Variants in EXOC5 observed in about 807,000 individuals in gnomAD.
EXOC5 encodes the protein SEC10-like 1.
In EXOC5, 17 loss-of-function variants were observed where a neutral mutation model predicts 90.8. That is an observed-to-expected ratio of 0.19 (90% CI 0.13 to 0.28). The LOEUF (loss-of-function observed/expected upper bound fraction) is 0.28. Among genes scored for constraint, EXOC5 ranks in the 10% least tolerant of loss-of-function variants. The pLI, the probability that EXOC5 is intolerant of heterozygous loss-of-function variation, is 1.00. For synonymous variants in EXOC5, 260 were observed against 270.0 expected (o/e 0.96, Z 0.36); for missense variants, 569 against 830.6 (o/e 0.69, Z 3.87).
intron 5 of EXOC5, 135 bp downstream of exon 5, chr14:57,239,460 C>T: frequency 1.6e-6 from 1 of 606,240 alleles, no homozygotes; most frequent in Non-Finnish European, 2.9e-6. Flanking sequence ...AATAAACTAG[C>T]AAGTAAATGA....
At chr14:57,228,704 G>A (rs1883386898) in intron 12 of EXOC5, among the ~76,000 whole-genome samples, 1 of 151,470 alleles carries the variant, frequency 6.6e-6, no homozygotes, top group African/African-American at 2.4e-5. Flanking sequence ...GGGGCCTGTT[G>A]GGGGGGTGGG....
intron 1 of EXOC5, among the ~76,000 whole-genome samples, chr14:57,250,841 T>A (rs1238155438): frequency 1.3e-5 from 2 of 150,984 alleles, no homozygotes; most frequent in African/African-American, 4.9e-5. Context: ...CCCTTAAGAA[T>A]ATAAAGTAGA....
chr14:57,245,870 T>C (rs866092960), intron 3 of EXOC5, among the ~76,000 whole-genome samples: 60 of 152,014 alleles, frequency 3.9e-4, no homozygotes, highest in Non-Finnish European at 4.6e-4. Flanking sequence ...CTGGCCAACA[T>C]AGCAAAATCT....
intron 1 of EXOC5, 99 bp from the exon 2 acceptor site, chr14:57,247,811 T>C (rs1046528540): frequency 1.9e-6 from 1 of 530,140 alleles, no homozygotes; most frequent in African/African-American, 2.0e-5. Flanking sequence ...AAACTTAAAA[T>C]GAAATTACTA....
In EXOC5 at chr14:57,201,568, T is replaced by TTATATATATATATATA. The variant is rs71104542; in HGVS notation, c.*7025_*7040dup. 2 of 93,404 alleles carry TTATATATATATATATA rather than the reference T, an allele frequency of 2.1e-5. No individual in the cohort carries two copies. The highest frequency in any genetic ancestry group is 2.6e-4 in the East Asian group (1 of 3,878). The allele number at this position is 93,404 out of a possible 1,614,324, so 5.8% of individuals were successfully genotyped here. ...ACATATATTTTTATATATATTAATATTATATATATATATATATATATATAT... is the reference window on the plus strand; with the variant it reads ...ACATATATTTTTATATATATTAATATTATATATATATATATATATATATATATATATATATATATAT... On this transcript the variant is annotated 3_prime_UTR_variant, in exon 18 of 18. Transcript: ENST00000621441.
Position 57,209,933 on chromosome 14 carries a change from A to G in EXOC5, c.1722+20T>C. Reference sequence around the variant, plus strand: ...TGAAAATGTTAACAAAGTATTAACAAACTGAATGATTTTACTCACATTAGT... The same window carrying G: ...TGAAAATGTTAACAAAGTATTAACAGACTGAATGATTTTACTCACATTAGT... On this transcript the variant is annotated intron_variant, in intron 16 of 17. Coordinates refer to ENST00000621441, the MANE Select transcript of EXOC5 (RefSeq NM_006544.4). The G allele has an allele frequency of 7.6e-7, 1 of 1,321,934 alleles. No individual in the cohort carries two copies. 81.9% of individuals were successfully genotyped at this position (1,321,934 alleles called of 1,614,324 possible).
intron 4 of EXOC5, 60 bp from the exon 5 acceptor site, chr14:57,239,719 T>C: frequency 9.9e-7 from 1 of 1,007,602 alleles, no homozygotes; most frequent in African/African-American, 1.6e-5. Flanking sequence ...CAAAAAATAA[T>C]TATATATCTG....
chr14:57,213,468 C>T (rs376138039), intron 15 of EXOC5, among the ~76,000 whole-genome samples: 7 of 151,680 alleles, frequency 4.6e-5, no homozygotes, highest in East Asian at 2.0e-4. Flanking sequence ...AGTGCAGTGG[C>T]GTGATCTTGG....
intron 1 of EXOC5, among the ~76,000 whole-genome samples, chr14:57,254,809 A>G (rs1405065794): frequency 6.6e-6 from 1 of 152,184 alleles, no homozygotes; most frequent in African/African-American, 2.4e-5. Flanking sequence ...GCACAAAGTG[A>G]GACGGTGGTG....
At chr14:57,265,156 A>G (rs948794844) in intron 1 of EXOC5, among the ~76,000 whole-genome samples, 5 of 148,986 alleles carry the variant, frequency 3.4e-5, no homozygotes, top group African/African-American at 9.9e-5. Context: ...TTTGCGACAC[A>G]TCTCATAGGA....
In EXOC5 at chr14:57,201,005, C is replaced by A. The variant is rs2881345; in HGVS notation, c.*7604G>T. ...AGGTGAGGAAGATGTTGCAGAGGGG[C>A]GCATGGGTGTGGGTGTATATTTAAA... On this transcript the variant is annotated 3_prime_UTR_variant, in exon 18 of 18. Transcript: ENST00000621441. 0.3 allele frequency: 45,274 copies of A among 151,876 alleles called. 12,117 individuals carry two copies. Among genetic ancestry groups the A allele is most frequent in the African/African-American group, 0.72 (29,989 of 41,366 alleles). The allele number at this position is 151,876 out of a possible 1,614,324, so 9.4% of individuals were successfully genotyped here.
chr14:57,235,244 T>C (rs1883622379), intron 7 of EXOC5, among the ~76,000 whole-genome samples: 1 of 152,166 alleles, frequency 6.6e-6, no homozygotes, highest in African/African-American at 2.4e-5. Flanking sequence ...CTCTCCCGAG[T>C]TCAAATTCTA....
At chr14:57,219,530 G>T in intron 13 of EXOC5, 88 bp from the exon 14 acceptor site, 1 of 1,039,848 alleles carries the variant, frequency 9.6e-7, no homozygotes, top group Non-Finnish European at 1.4e-6. Context: ...TTTTTAATCT[G>T]TAACATAAAA....
At chr14:57,247,987 C>A (rs1164057610) in intron 1 of EXOC5, among the ~76,000 whole-genome samples, 1 of 151,146 alleles carries the variant, frequency 6.6e-6, no homozygotes, top group Non-Finnish European at 1.5e-5. Flanking sequence ...AGTAAACAAA[C>A]AAGTAATTTG....
chr14:57,236,752 C>G (rs1883673708), intron 6 of EXOC5, among the ~76,000 whole-genome samples: 1 of 151,986 alleles, frequency 6.6e-6, no homozygotes, highest in Non-Finnish European at 1.5e-5. Flanking sequence ...ATGCAGTGGC[C>G]TACTCTAAAT....
intron 1 of EXOC5, among the ~76,000 whole-genome samples, chr14:57,265,301 T>G (rs1337332332): frequency 6.6e-6 from 1 of 152,056 alleles, no homozygotes; most frequent in African/African-American, 2.4e-5. Flanking sequence ...CCAAGAACTC[T>G]CCCGTAATGG....
intron 7 of EXOC5, 85 bp from the exon 8 acceptor site, chr14:57,234,117 G>T: frequency 9.7e-7 from 1 of 1,034,632 alleles, no homozygotes; most frequent in Non-Finnish European, 1.5e-6. Flanking sequence ...ATGTCATAAA[G>T]CTATGACTAT....
In EXOC5 at chr14:57,232,638, C is replaced by CT. The variant is rs890260638; in HGVS notation, c.938+28dup. 4.3e-6 allele frequency: 4 copies of CT among 937,276 alleles called. No individual in the cohort carries two copies. The Admixed American group carries it at 1.0e-4, about 23-fold the overall frequency. 58.1% of individuals were successfully genotyped at this position (937,276 alleles called of 1,614,324 possible). ...CAAAAAAATTTAAAAAATCTGTTAT[C>CT]TATTATTTTCTAATCATTAAAAATT... On this transcript the variant is annotated intron_variant, in intron 10 of 17. Coordinates refer to ENST00000621441, the MANE Select transcript of EXOC5 (RefSeq NM_006544.4).
chr14:57,247,730 A>T lies in EXOC5; in HGVS notation c.28-18T>A, dbSNP rs1422988115. 1 of 1,372,612 alleles carries T rather than the reference A, an allele frequency of 7.3e-7. No homozygotes were observed. Among genetic ancestry groups the T allele is most frequent in the South Asian group, 1.4e-5 (1 of 71,072 alleles). 85.0% of individuals were successfully genotyped at this position (1,372,612 alleles called of 1,614,324 possible). On this transcript the variant is annotated intron_variant, in intron 1 of 17. Coordinates refer to ENST00000621441, the MANE Select transcript of EXOC5 (RefSeq NM_006544.4). ...AAAGGCTCCTAGTTTACAAAAAAAT[A>T]CGCTTTAACAAAGTTTCATATACAA...
Sources: gnomAD v4.1 joint callset for allele counts (sites outside exome capture counted in the v4.1 genomes callset) on GRCh38, gnomAD v4.1.1 for gene constraint, MANE v1.5 for transcripts, NCBI Gene and HGNC (gene_info 2026-07-23, HGNC 2026-07-21) for gene names.